Variants in IFNGR2 observed in about 807,000 individuals in gnomAD.
The protein encoded by IFNGR2 is IFN-gamma receptor 2.
In IFNGR2, 15 loss-of-function variants were observed where a neutral mutation model predicts 41.1. The observed-to-expected ratio is 0.37, with a 90% CI of 0.24 to 0.56. The LOEUF (loss-of-function observed/expected upper bound fraction) is 0.56, where lower values mean the gene tolerates loss of function less well. Ranked by LOEUF, IFNGR2 falls within the 20% of genes least tolerant of loss-of-function variation. The pLI, the probability that IFNGR2 is intolerant of heterozygous loss-of-function variation, is 0.81. For synonymous variants in IFNGR2, 161 were observed against 171.6 expected, an observed-to-expected ratio of 0.94 and a Z score of 0.48; for missense variants, 362 against 415.7, an observed-to-expected ratio of 0.87 and a Z score of 1.12.
At chr21:33,406,648 C>CT (rs35138843) in intron 1 of IFNGR2, among the ~76,000 whole-genome samples, 26,386 of 131,840 alleles carry the variant, frequency 0.2, 3,335 homozygotes, top group East Asian at 0.42. Flanking sequence ...GTGTTGGAAA[C>CT]TTTTTTTTTT....
At position 33,432,328 on chromosome 21, in the gene IFNGR2, T is replaced by A; in HGVS notation, c.713T>A (p.Met238Lys). ...HLSNISCYET[M>K]ADASTELQQV... ...AGCAACATATCTTGCTACGAAACAA[T>A]GGCAGATGGTAAAATATACCTTCTT... Residue 238 changes from methionine (M) to lysine (K), a missense_variant, in exon 5 of 7, where the codon ATG becomes AAG. By Grantham distance (95) the Met-to-Lys change is moderately conservative. Coordinates refer to ENST00000290219, the MANE Select transcript of IFNGR2 (RefSeq NM_005534.4). The A allele has an allele frequency of 6.2e-7, 1 of 1,613,682 alleles. No individual in the cohort carries two copies. Among genetic ancestry groups the A allele is most frequent in the East Asian group, 2.2e-5 (1 of 44,880 alleles).
intron 3 of IFNGR2, among the ~76,000 whole-genome samples, chr21:33,425,746 A>G (rs1239979999): frequency 2.0e-5 from 3 of 152,204 alleles, no homozygotes; most frequent in Non-Finnish European, 4.4e-5. Context: ...CCTCCACCAG[A>G]ACAAATGAGG....
At chr21:33,411,592 G>T in intron 1 of IFNGR2, 1 of 456,410 alleles carries the variant, frequency 2.2e-6, no homozygotes, top group East Asian at 7.1e-5. Context: ...TAAGAGCCCT[G>T]ATGTGGGGAG....
intron 3 of IFNGR2, among the ~76,000 whole-genome samples, chr21:33,425,211 T>TA (rs2083825836): frequency 1.3e-5 from 2 of 152,284 alleles, no homozygotes; most frequent in East Asian, 3.9e-4. Context: ...TGAGCCACCA[T>TA]GCCCATCCCG....
intron 1 of IFNGR2, among the ~76,000 whole-genome samples, chr21:33,405,618 A>G (rs1031131653): frequency 6.6e-6 from 1 of 152,206 alleles, no homozygotes; most frequent in Non-Finnish European, 1.5e-5. Flanking sequence ...AGATGTATTT[A>G]GAAACTATAG....
At chr21:33,416,063 C>G (rs1359070956) in intron 2 of IFNGR2, among the ~76,000 whole-genome samples, 2 of 152,134 alleles carry the variant, frequency 1.3e-5, no homozygotes, top group East Asian at 3.9e-4. Flanking sequence ...GCCATGTTGG[C>G]CAGGCTGGTC....
chr21:33,433,113 T>C (rs1318599828), intron 6 of IFNGR2, among the ~76,000 whole-genome samples: 2 of 152,184 alleles, frequency 1.3e-5, no homozygotes, highest in African/African-American at 4.8e-5. Context: ...CTCAAACTCC[T>C]GACCTCAAGT....
At position 33,403,629 on chromosome 21, in the gene IFNGR2, T is replaced by C; in HGVS notation, c.73+13T>C. ...GCGGCCCCGCCAGGTGAGCCGGGCC[T>C]GGGCCTCCGCGGCGGGACGCGGGCG... On this transcript the variant is annotated intron_variant, in intron 1 of 6. Coordinates refer to ENST00000290219, the MANE Select transcript of IFNGR2 (RefSeq NM_005534.4). 1.5e-6 allele frequency: 2 copies of C among 1,296,160 alleles called. No homozygotes were observed. The highest frequency in any genetic ancestry group is 2.0e-5 in the South Asian group (1 of 50,856). The allele number at this position is 1,296,160 out of a possible 1,614,324, so 80.3% of individuals were successfully genotyped here.
At chr21:33,410,166 A>AT (rs373991238) in intron 1 of IFNGR2, among the ~76,000 whole-genome samples, 5,058 of 137,158 alleles carry the variant, frequency 0.037, 200 homozygotes, top group African/African-American at 0.096. Flanking sequence ...AATTACAATA[A>AT]TTTTTTTTTT....
At chr21:33,426,567 A>C (rs565280549) in intron 3 of IFNGR2, among the ~76,000 whole-genome samples, 3 of 151,794 alleles carry the variant, frequency 2.0e-5, no homozygotes, top group Non-Finnish European at 4.4e-5. Flanking sequence ...AAATATAAAA[A>C]TTAGCCAGGC....
At chr21:33,413,485 C>A (rs887263059) in intron 1 of IFNGR2, among the ~76,000 whole-genome samples, 1 of 152,204 alleles carries the variant, frequency 6.6e-6, no homozygotes, top group African/African-American at 2.4e-5. Context: ...GCGCATTTAC[C>A]GAAAATGTGT....
chr21:33,428,397 A>T lies in IFNGR2; in HGVS notation c.561+1365A>T, dbSNP rs561897065. Among the ~76,000 whole-genome samples, 64 of 151,022 alleles carry T rather than the reference A, an allele frequency of 4.2e-4. 2 individuals carry two copies. The South Asian group carries it at 0.012, about 29-fold the overall frequency. On this transcript the variant is annotated intron_variant, in intron 4 of 6. Transcript: ENST00000290219. ...CCAACCACACCTGGCTAATATTTTT[A>T]AATTTTTTTTTATAGAGATGGGGTT...
At chr21:33,420,233 A>T (rs1288305439) in intron 2 of IFNGR2, among the ~76,000 whole-genome samples, 1 of 151,746 alleles carries the variant, frequency 6.6e-6, no homozygotes, top group Non-Finnish European at 1.5e-5. Context: ...GGTCGTGGGG[A>T]TACAGAGCGG....
chr21:33,422,114 CCTTA>C (rs2083798440), intron 3 of IFNGR2, among the ~76,000 whole-genome samples: 1 of 152,192 alleles, frequency 6.6e-6, no homozygotes, highest in Admixed American at 6.5e-5. Flanking sequence ...CTCTGATCAC[CCTTA>C]CTTATTCTGG....
At chr21:33,427,850 T>TTC (rs2083852792) in intron 4 of IFNGR2, among the ~76,000 whole-genome samples, 1 of 148,174 alleles carries the variant, frequency 6.7e-6, no homozygotes, top group African/African-American at 2.5e-5. Flanking sequence ...TCATCTTTTT[T>TTC]TTTTTTTTTT....
intron 6 of IFNGR2, 59 bp downstream of exon 6, chr21:33,432,930 GGCGGGAGTGTCAT>G (rs1429444575): frequency 7.1e-7 from 1 of 1,403,742 alleles, no homozygotes; most frequent in African/African-American, 1.4e-5. Flanking sequence ...CTGTTGCCCA[GGCGGGAGTGTCAT>G]GGTACAATCT....
rs542657768 is a variant in IFNGR2 at position 33,427,024 on chromosome 21, A to C, written c.553A>C (p.Ile185Leu). ...TGTCCATTACTGGGAAAAAGGAGGA[A>C]TCCAACAGGCAAGAGCATCTTTCTT... ...YYVHYWEKGG[I>L]QQVKGPFRSN... The change falls in exon 4 of 7, where the codon ATC becomes CTC. Residue 185 changes from isoleucine (I) to leucine (L), a missense_variant. By Grantham distance (5) the Ile-to-Leu change is conservative. Coordinates refer to ENST00000290219, the MANE Select transcript of IFNGR2 (RefSeq NM_005534.4). 8.1e-6 allele frequency: 13 copies of C among 1,611,334 alleles called. No individual in the cohort carries two copies. Among genetic ancestry groups the C allele is most frequent in the South Asian group, 3.3e-5 (3 of 90,880 alleles).
chr21:33,426,284 G>C (rs890255825), intron 3 of IFNGR2, among the ~76,000 whole-genome samples: 1 of 151,958 alleles, frequency 6.6e-6, no homozygotes, highest in East Asian at 1.9e-4. Flanking sequence ...ATGGTGGCGT[G>C]TGCCTGTAAT....
At chr21:33,431,720 G>A (rs2083889778) in intron 4 of IFNGR2, among the ~76,000 whole-genome samples, 2 of 152,162 alleles carry the variant, frequency 1.3e-5, no homozygotes, top group African/African-American at 4.8e-5. Flanking sequence ...ACAGGTGTGT[G>A]CCACCACATC....
Sources: gnomAD v4.1 joint callset for allele counts (sites outside exome capture counted in the v4.1 genomes callset) on GRCh38, gnomAD v4.1.1 for gene constraint, MANE v1.5 for transcripts, NCBI Gene and HGNC (gene_info 2026-07-23, HGNC 2026-07-21) for gene names.